Variants in WDR41 observed in about 807,000 individuals in gnomAD.
The protein encoded by WDR41 is WD repeat-containing protein 41.
A neutral mutation model predicts 69.3 loss-of-function variants in WDR41; 63 were observed. That is an observed-to-expected ratio of 0.91 (90% CI 0.74 to 1.12). WDR41 has a LOEUF of 1.12. WDR41 is among the 50% of genes most tolerant of loss of function. The probability of loss-of-function intolerance (pLI) is 0.00; values close to 1 mark genes in which losing one functional copy is unlikely to be tolerated. For missense variants in WDR41, 543 were observed against 534.5 expected (o/e 1.02, Z -0.16); for synonymous variants, 185 against 192.1 (o/e 0.96, Z 0.31).
At chr5:77,499,114 T>C (rs1801979831) in intron 1 of WDR41, among the ~76,000 whole-genome samples, 1 of 152,196 alleles carries the variant, frequency 6.6e-6, no homozygotes, top group Non-Finnish European at 1.5e-5. Context: ...CACGTCACTC[T>C]TTCTCTCCAA....
intron 1 of WDR41, among the ~76,000 whole-genome samples, chr5:77,603,567 T>C (rs1241883537): frequency 1.3e-5 from 2 of 152,240 alleles, no homozygotes; most frequent in Admixed American, 1.3e-4. Flanking sequence ...GCAGAAGCTT[T>C]TCATAATAGT....
intron 1 of WDR41, among the ~76,000 whole-genome samples, chr5:77,535,060 G>C (rs1561217176): frequency 6.6e-6 from 1 of 152,198 alleles, no homozygotes; most frequent in East Asian, 1.9e-4. Context: ...AGTCATTTTT[G>C]AGTTTTTTCT....
At chr5:77,549,049 C>T (rs548069209) in intron 1 of WDR41, among the ~76,000 whole-genome samples, 6 of 150,972 alleles carry the variant, frequency 4.0e-5, no homozygotes, top group Non-Finnish European at 7.4e-5. Flanking sequence ...AACCAAACAT[C>T]GTATGTTCTC....
At chr5:77,585,767 A>G (rs1744026400) in intron 1 of WDR41, among the ~76,000 whole-genome samples, 1 of 152,192 alleles carries the variant, frequency 6.6e-6, no homozygotes, top group African/African-American at 2.4e-5. Context: ...TGTAGGAGCT[A>G]AGCTATGAGA....
In WDR41 at chr5:77,453,886, C is replaced by T; in HGVS notation, c.454G>A (p.Gly152Arg). 1 of 1,614,074 alleles carries T rather than the reference C, an allele frequency of 6.2e-7. No homozygotes were observed. Among genetic ancestry groups the T allele is most frequent in the East Asian group, 2.2e-5 (1 of 44,856 alleles). The change falls in exon 6 of 13, where the codon GGG becomes AGG. Residue 152 changes from glycine (G) to arginine (R), a missense_variant. Transcript: ENST00000296679. ...CGGTTCCACACACACAGGTCATTCCCACCAGAAAGCCAAACATCTAGTCTC... is the reference window on the plus strand; with the variant it reads ...CGGTTCCACACACACAGGTCATTCCTACCAGAAAGCCAAACATCTAGTCTC... ...LQRLDVWLSG[G>R]NDLCVWNRKL...
At chr5:77,492,914 A>T (rs1293834350), upstream of WDR41, among the ~76,000 whole-genome samples, 2 of 152,214 alleles carry the variant, frequency 1.3e-5, no homozygotes, top group East Asian at 1.9e-4. Flanking sequence ...TTGTCTAAAG[A>T]TAACAGCTAG....
At chr5:77,540,165 C>T (rs115647473) in intron 1 of WDR41, among the ~76,000 whole-genome samples, 2,775 of 152,228 alleles carry the variant, frequency 0.018, 58 homozygotes, top group African/African-American at 0.055. Context: ...CACTGTAAAG[C>T]GAGAGGGTGT....
chr5:77,557,624 C>T (rs932834873), intron 1 of WDR41, among the ~76,000 whole-genome samples: 5 of 150,982 alleles, frequency 3.3e-5, no homozygotes, highest in Admixed American at 3.3e-4. Context: ...TCAGTATAGT[C>T]GCTTTGAAAA....
Position 77,436,408 on chromosome 5 carries a change from C to T in WDR41, c.1094-14G>A, listed in dbSNP as rs768780554. Reference sequence around the variant, plus strand: ...TGTTAAAAAAACCTAGAAAAAGAATCATTTCCAAAATTACTGTGCTCTGTA... The same window carrying T: ...TGTTAAAAAAACCTAGAAAAAGAATTATTTCCAAAATTACTGTGCTCTGTA... On this transcript the variant is annotated splice_polypyrimidine_tract_variant and intron_variant, in intron 11 of 12. Transcript: ENST00000296679. 1 of 1,613,328 alleles carries T rather than the reference C, an allele frequency of 6.2e-7. No homozygotes were observed. The highest frequency in any genetic ancestry group is 8.5e-7 in the Non-Finnish European group (1 of 1,179,642).
intron 1 of WDR41, among the ~76,000 whole-genome samples, chr5:77,556,894 G>A (rs1228626472): frequency 6.6e-6 from 1 of 152,164 alleles, no homozygotes; most frequent in African/African-American, 2.4e-5. Context: ...GCCAGTATGA[G>A]GGATGATTTG....
chr5:77,442,233 A>G (rs1018427355), intron 8 of WDR41, among the ~76,000 whole-genome samples: 1 of 152,242 alleles, frequency 6.6e-6, no homozygotes, highest in Admixed American at 6.5e-5. Flanking sequence ...GTTGTTACAT[A>G]CATATATGTA....
intron 1 of WDR41, among the ~76,000 whole-genome samples, chr5:77,508,428 T>C (rs1802147592): frequency 6.6e-6 from 1 of 152,240 alleles, no homozygotes; most frequent in African/African-American, 2.4e-5. Context: ...TATAAAAACG[T>C]CTGTGTTTTT....
chr5:77,550,742 C>G (rs1743280396), intron 1 of WDR41, among the ~76,000 whole-genome samples: 1 of 152,002 alleles, frequency 6.6e-6, no homozygotes. Context: ...GAATTATAAC[C>G]AAAGACAAAT....
At chr5:77,548,119 T>A (rs1194486021) in intron 1 of WDR41, among the ~76,000 whole-genome samples, 1 of 152,160 alleles carries the variant, frequency 6.6e-6, no homozygotes, top group East Asian at 1.9e-4. Context: ...TCTCACCTTA[T>A]ACAAAAATAA....
At chr5:77,486,494 T>C (rs979447719) in intron 2 of WDR41, among the ~76,000 whole-genome samples, 1 of 152,214 alleles carries the variant, frequency 6.6e-6, no homozygotes, top group East Asian at 1.9e-4. Flanking sequence ...CAAGTTTATT[T>C]ACCCACTCAC....
intron 2 of WDR41, among the ~76,000 whole-genome samples, chr5:77,473,913 G>A (rs1800757424): frequency 6.6e-6 from 1 of 152,148 alleles, no homozygotes; most frequent in African/African-American, 2.4e-5. Flanking sequence ...AATACCATTT[G>A]ACCCAGCAAT....
In WDR41 at chr5:77,438,358, C is replaced by T. The variant is rs765161423; in HGVS notation, c.886G>A (p.Val296Ile). ...IHHFTCDEEN[V>I]FAAVGRGLYV... ...AAACCCCTTCCAACTGCAGCAAATA[C>T]ATTCTAGGGGAAGAAGTTCAGAAAT... Residue 296 changes from valine to isoleucine, a missense_variant, in exon 10 of 13, where the codon GTA becomes ATA. Physicochemically the swap from Val to Ile is conservative, Grantham distance 29 (BLOSUM62 3). Coordinates refer to ENST00000296679, the MANE Select transcript of WDR41 (RefSeq NM_018268.4). The T allele has an allele frequency of 1.9e-6, 3 of 1,613,828 alleles. No homozygotes were observed. The highest frequency in any genetic ancestry group is 2.2e-5 in the East Asian group (1 of 44,866).
At chr5:77,593,453 G>A (rs1051435379) in intron 1 of WDR41, among the ~76,000 whole-genome samples, 2 of 152,222 alleles carry the variant, frequency 1.3e-5, no homozygotes, top group Non-Finnish European at 1.5e-5. Flanking sequence ...ATTGTGTCCA[G>A]CAACAGGAGA....
chr5:77,493,369 T>C (rs1801885657), upstream of WDR41, among the ~76,000 whole-genome samples: 1 of 152,174 alleles, frequency 6.6e-6, no homozygotes. Flanking sequence ...TCAGCAAACA[T>C]GTATTGGACA....
Sources: allele counts gnomAD v4.1 joint callset (sites outside exome capture counted in the v4.1 genomes callset), GRCh38; gene constraint gnomAD v4.1.1; transcripts MANE v1.5; gene names NCBI Gene and HGNC (gene_info 2026-07-23, HGNC 2026-07-21).